The following ESR1 variants were observed in gnomAD, a reference collection of about 807,000 sequenced individuals.
The protein encoded by ESR1 is estrogen receptor.
ESR1 carries 12 observed loss-of-function variants against 52.7 expected under a neutral mutation model. The ratio of observed to expected loss-of-function variants is 0.23; its 90% CI spans 0.15 to 0.37. The LOEUF (loss-of-function observed/expected upper bound fraction) is 0.37, where lower values mean the gene tolerates loss of function less well. Among genes scored for constraint, ESR1 ranks in the 10% least tolerant of loss-of-function variants. ESR1 has a pLI of 1.00. For synonymous variants in ESR1, 305 were observed against 316.8 expected (o/e 0.96, Z 0.39); for missense variants, 584 against 779.7 (o/e 0.75, Z 2.99).
intron 3 of ESR1, among the ~76,000 whole-genome samples, chr6:151,932,535 A>G (rs1353296867): frequency 4.1e-5 from 5 of 121,428 alleles, no homozygotes; most frequent in Middle Eastern, 3.3e-3. Context: ...GCCCATGCCT[A>G]TGTCCTGAAT....
At chr6:152,009,821 G>C (rs1040306875) in intron 4 of ESR1, among the ~76,000 whole-genome samples, 5 of 152,046 alleles carry the variant, frequency 3.3e-5, no homozygotes, top group Admixed American at 6.6e-5. Context: ...CCAAAAACTA[G>C]AAACAACCCA....
At chr6:152,093,352 CTT>C (rs757839091) in intron 6 of ESR1, among the ~76,000 whole-genome samples, 2,173 of 89,272 alleles carry the variant, frequency 0.024, 49 homozygotes, top group African/African-American at 0.063. Flanking sequence ...CTCTCTCTCT[CTT>C]TCTCTCTCTC....
intron 6 of ESR1, among the ~76,000 whole-genome samples, chr6:152,075,475 C>T (rs1219478960): frequency 2.0e-5 from 3 of 152,170 alleles, no homozygotes; most frequent in Non-Finnish European, 4.4e-5. Context: ...TTTTCATCCA[C>T]GTAGTGCTCA....
Position 151,877,497 on chromosome 6 carries a change from A to G in ESR1, c.644-3158A>G, listed in dbSNP as rs139879102. 2.6e-5 allele frequency among the ~76,000 whole-genome samples: 4 copies of G among 152,368 alleles called. No individual in the cohort carries two copies. The East Asian group carries it at 5.8e-4, about 22-fold the overall frequency. ...GTCACAAAAGGTTTGCCGTATGAAC[A>G]TGATTCTGTTGTACATCTATTTCCA... On this transcript the variant is annotated intron_variant, in intron 2 of 7. Coordinates refer to ENST00000206249, the MANE Select transcript of ESR1 (RefSeq NM_000125.4).
chr6:151,658,953 T>C (rs562047502), intron 1 of ESR1, among the ~76,000 whole-genome samples: 1 of 152,320 alleles, frequency 6.6e-6, no homozygotes, highest in East Asian at 1.9e-4. Context: ...AGATGGCCAG[T>C]CTAAGGCTTA....
intron 5 of ESR1, among the ~76,000 whole-genome samples, chr6:152,031,186 G>C (rs952172256): frequency 3.3e-5 from 5 of 152,140 alleles, no homozygotes; most frequent in African/African-American, 1.2e-4. Context: ...AGAGAAAGCA[G>C]GAAAGATCTA....
intron 3 of ESR1, among the ~76,000 whole-genome samples, chr6:151,904,587 A>G (rs9383947): frequency 0.025 from 3,753 of 152,260 alleles, 104 homozygotes; most frequent in East Asian, 0.071. Flanking sequence ...GCAAGCAGAT[A>G]ATAGCTCATT....
intron 4 of ESR1, among the ~76,000 whole-genome samples, chr6:151,977,441 C>CAAA (rs200819406): frequency 7.8e-4 from 102 of 130,480 alleles, no homozygotes; most frequent in Non-Finnish European, 1.3e-3. Flanking sequence ...CTGTGTAGTG[C>CAAA]AAAAAAAAAA....
intron 5 of ESR1, among the ~76,000 whole-genome samples, chr6:152,012,844 A>G (rs1351471905): frequency 6.6e-6 from 1 of 152,230 alleles, no homozygotes; most frequent in Non-Finnish European, 1.5e-5. Flanking sequence ...GGCTGCCCAC[A>G]GTGCATCTCT....
At position 152,110,849 on chromosome 6, in the gene ESR1, C is replaced by T. The variant is rs551625938; in HGVS notation, c.851-14417C>T. Among the ~76,000 whole-genome samples the T allele has an allele frequency of 8.7e-4, 133 of 152,196 alleles. 1 individual carries two copies. Among genetic ancestry groups the T allele is most frequent in the Non-Finnish European group, 1.5e-3 (104 of 68,000 alleles). On this transcript the variant is annotated intron_variant, in intron 6 of 6. Transcript: ENST00000427531. ...ACTCAAATCCTGGAGAAATGTGTCC[C>T]GGTTGTCTTTCTGGTGGGCAGCCGT...
At chr6:151,949,090 C>T (rs1166217431) in intron 4 of ESR1, among the ~76,000 whole-genome samples, 1 of 152,184 alleles carries the variant, frequency 6.6e-6, no homozygotes, top group Non-Finnish European at 1.5e-5. Context: ...CAAAATCTAC[C>T]TGCTGTTCTG....
At chr6:151,969,845 G>T (rs1374058755) in intron 4 of ESR1, among the ~76,000 whole-genome samples, 1 of 151,016 alleles carries the variant, frequency 6.6e-6, no homozygotes, top group African/African-American at 2.5e-5. Context: ...CTGTGCTTTT[G>T]TTGTTGTTGT....
chr6:151,664,979 A>G (rs1485982763), intron 1 of ESR1, among the ~76,000 whole-genome samples: 5 of 152,210 alleles, frequency 3.3e-5, no homozygotes, highest in Non-Finnish European at 5.9e-5. Flanking sequence ...TTAAATAGGT[A>G]GATAACATGC....
intron 6 of ESR1, among the ~76,000 whole-genome samples, chr6:152,086,303 G>A (rs966133649): frequency 4.5e-4 from 68 of 151,622 alleles, no homozygotes; most frequent in African/African-American, 1.5e-3. Flanking sequence ...ATATAGATCC[G>A]TAATGGCTTT....
chr6:151,677,509 G>A (rs1582869581), intron 1 of ESR1, among the ~76,000 whole-genome samples: 2 of 152,136 alleles, frequency 1.3e-5, no homozygotes, highest in South Asian at 2.1e-4. Flanking sequence ...TTTTCTTGGC[G>A]GAGTAAACAT....
chr6:151,736,668 C>T lies in ESR1; in HGVS notation c.-71+34663C>T, dbSNP rs148223070. Among the ~76,000 whole-genome samples, 30 of 152,078 alleles carry T rather than the reference C, an allele frequency of 2.0e-4. No individual in the cohort carries two copies. In the East Asian group the frequency reaches 5.6e-3, roughly 29 times the overall value. ...TGCTGGTATTACAGGCGTGAGCCAC[C>T]GCGCCTGGCCCAGGTAGTGTTCTAA... is the stretch of plus-strand genomic sequence containing the variant. On this transcript the variant is annotated intron_variant, in intron 2 of 2. Transcript: ENST00000404742.
At chr6:151,852,982 G>T (rs560917340) in intron 2 of ESR1, among the ~76,000 whole-genome samples, 141 of 151,538 alleles carry the variant, frequency 9.3e-4, no homozygotes, top group African/African-American at 3.2e-3. Flanking sequence ...GACCATCCTG[G>T]CCAACATGAT....
chr6:151,721,537 A>G (rs1202129654), intron 2 of ESR1, among the ~76,000 whole-genome samples: 1 of 152,232 alleles, frequency 6.6e-6, no homozygotes, highest in Non-Finnish European at 1.5e-5. Flanking sequence ...TTAGAAAAAG[A>G]AATTTTTGGT....
intron 2 of ESR1, among the ~76,000 whole-genome samples, chr6:151,876,713 G>A (rs561702963): frequency 3.9e-5 from 6 of 152,192 alleles, no homozygotes; most frequent in Admixed American, 3.3e-4. Context: ...TTCTCTCCCC[G>A]CTTCCTGTCT....
Sources: gnomAD v4.1 joint callset for allele counts (sites outside exome capture counted in the v4.1 genomes callset) on GRCh38, gnomAD v4.1.1 for gene constraint, MANE v1.5 for transcripts, NCBI Gene and HGNC (gene_info 2026-07-23, HGNC 2026-07-21) for gene names.